UNC5C: variants seen among roughly 807,000 people sequenced by gnomAD.
UNC5C encodes unc-5 netrin receptor C.
In UNC5C, 47 loss-of-function variants were observed where a neutral mutation model predicts 99.8. The observed-to-expected ratio is 0.47, with a 90% CI of 0.37 to 0.60. UNC5C has a LOEUF of 0.60. Ranked by LOEUF, UNC5C falls within the 20% of genes least tolerant of loss-of-function variation. The pLI, the probability that UNC5C is intolerant of heterozygous loss-of-function variation, is 0.00. For synonymous variants in UNC5C, 487 were observed against 452.2 expected (o/e 1.08, Z -0.98); for missense variants, 1,062 against 1,165.9 (o/e 0.91, Z 1.30).
intron 5 of UNC5C, 43 bp from the exon 6 acceptor site, chr4:95,245,187 C>T: frequency 6.4e-7 from 1 of 1,570,820 alleles, no homozygotes; most frequent in Admixed American, 1.9e-5. Flanking sequence ...AACATGTGTG[C>T]ATGCACAACA....
intron 14 of UNC5C, among the ~76,000 whole-genome samples, chr4:95,180,325 G>GA (rs1448448937): frequency 2.0e-5 from 3 of 152,140 alleles, no homozygotes; most frequent in South Asian, 2.1e-4. Context: ...TAGAAGATGT[G>GA]AAAAAACTGT....
At chr4:95,193,090 C>T (rs1271987630) in intron 12 of UNC5C, among the ~76,000 whole-genome samples, 1 of 152,226 alleles carries the variant, frequency 6.6e-6, no homozygotes, top group African/African-American at 2.4e-5. Context: ...TTTCACTCTG[C>T]TAGCTTCTTT....
rs550139396 is a variant in UNC5C at position 95,285,701 on chromosome 4, T to C, written c.491-7339A>G. ...AGGGTTACAACATCTATTCAGTGGA[T>C]TAAAACCCAGCATTAAAAAGTGTGA... is the stretch of plus-strand genomic sequence containing the variant. On this transcript the variant is annotated intron_variant, in intron 3 of 15. Transcript: ENST00000453304. Among the ~76,000 whole-genome samples the C allele has an allele frequency of 2.5e-3, 387 of 152,288 alleles. 2 individuals are homozygous for C. Among genetic ancestry groups the C allele is most frequent in the Non-Finnish European group, 4.0e-3 (274 of 68,024 alleles).
chr4:95,535,168 TA>T (rs1428064496), intron 1 of UNC5C, among the ~76,000 whole-genome samples: 7 of 152,112 alleles, frequency 4.6e-5, no homozygotes, highest in Admixed American at 1.3e-4. Context: ...TGCTTATTCA[TA>T]AAACTGGAAC....
chr4:95,488,475 C>G (rs1721387609), intron 1 of UNC5C, among the ~76,000 whole-genome samples: 1 of 151,756 alleles, frequency 6.6e-6, no homozygotes, highest in Non-Finnish European at 1.5e-5. Context: ...AGCAGTACTT[C>G]CATAGCTTCT....
At chr4:95,275,238 C>T (rs1310126399) in intron 4 of UNC5C, among the ~76,000 whole-genome samples, 1 of 152,148 alleles carries the variant, frequency 6.6e-6, no homozygotes, top group Non-Finnish European at 1.5e-5. Flanking sequence ...GTGACAGAAG[C>T]TTCCCCTCTG....
At chr4:95,334,009 C>A (rs1743229467) in intron 2 of UNC5C, among the ~76,000 whole-genome samples, 1 of 151,934 alleles carries the variant, frequency 6.6e-6, no homozygotes, top group East Asian at 1.9e-4. Flanking sequence ...TAATTGGATA[C>A]CCAGTTATAT....
At chr4:95,334,766 C>T (rs867938297) in intron 2 of UNC5C, among the ~76,000 whole-genome samples, 5 of 151,988 alleles carry the variant, frequency 3.3e-5, no homozygotes, top group Middle Eastern at 3.4e-3. Context: ...GGAGTTTTAA[C>T]CAAGCCAGGG....
At position 95,301,700 on chromosome 4, in the gene UNC5C, T is replaced by C; in HGVS notation, c.396A>G (p.Glu132=). The part of the protein sequence containing the change: ...VSIEISRQQV[E]ELFGPEDYWC... ...AGTAATCTTCAGGTCCAAAGAGTTC[T>C]TCCACTTGCTGGCGCGAAATCTCAA... The change falls in exon 3 of 16, where the codon GAA becomes GAG. Residue 132 remains glutamate (E), a synonymous_variant. Transcript: ENST00000453304. 6.2e-7 allele frequency: 1 copy of C among 1,613,416 alleles called. No homozygotes were observed. Among genetic ancestry groups the C allele is most frequent in the Non-Finnish European group, 8.5e-7 (1 of 1,180,030 alleles).
chr4:95,527,287 A>G (rs978809853), intron 1 of UNC5C, among the ~76,000 whole-genome samples: 1 of 152,046 alleles, frequency 6.6e-6, no homozygotes, highest in African/African-American at 2.4e-5. Context: ...ACTTTGAAAC[A>G]TTTTTTCCTG....
At chr4:95,224,900 A>G (rs886784507) in intron 7 of UNC5C, among the ~76,000 whole-genome samples, 2 of 152,156 alleles carry the variant, frequency 1.3e-5, no homozygotes, top group South Asian at 4.2e-4. Flanking sequence ...CTTGAAAAAA[A>G]GAAAGAATCT....
At chr4:95,356,213 C>CAA (rs869165569) in intron 1 of UNC5C, among the ~76,000 whole-genome samples, 28 of 78,152 alleles carry the variant, frequency 3.6e-4, no homozygotes, top group Non-Finnish European at 6.3e-4. Flanking sequence ...AAAAAAAAAA[C>CAA]AAAACAAAAA....
intron 1 of UNC5C, among the ~76,000 whole-genome samples, chr4:95,545,760 ACG>A (rs1227773272): frequency 2.8e-3 from 404 of 143,542 alleles, no homozygotes; most frequent in African/African-American, 9.9e-3. Context: ...TCTCACACAC[ACG>A]CGCGCGCGCG....
At position 95,292,208 on chromosome 4, in the gene UNC5C, CATATATAT is replaced by C. The variant is rs376368681; in HGVS notation, c.490+9390_490+9397del. Among the ~76,000 whole-genome samples the C allele has an allele frequency of 2.4e-5, 3 of 123,996 alleles. No homozygotes were observed. In the Admixed American group the frequency reaches 2.5e-4, roughly 10 times the overall value. 81.3% of individuals were successfully genotyped at this position (123,996 alleles called of 152,430 possible). A position where few individuals can be genotyped will look rare whatever the true frequency, so the allele number is the denominator to read the frequency against. On this transcript the variant is annotated intron_variant, in intron 3 of 15. Coordinates refer to ENST00000453304, the MANE Select transcript of UNC5C (RefSeq NM_003728.4). ...ACATATATATATACACATATATATA[CATATATAT>C]ACACACACACACACACACACATATA...
chr4:95,451,076 C>A (rs1747267405), intron 1 of UNC5C, among the ~76,000 whole-genome samples: 1 of 152,160 alleles, frequency 6.6e-6, no homozygotes, highest in Non-Finnish European at 1.5e-5. Context: ...TATGAAAAAT[C>A]TATGACTTAC....
chr4:95,423,673 T>C (rs1224343195), intron 1 of UNC5C, among the ~76,000 whole-genome samples: 2 of 152,222 alleles, frequency 1.3e-5, no homozygotes, highest in Non-Finnish European at 2.9e-5. Flanking sequence ...AGAAGAAATG[T>C]CTTTTAAAAT....
chr4:95,483,029 AT>A (rs1721212443), intron 1 of UNC5C, among the ~76,000 whole-genome samples: 1 of 139,920 alleles, frequency 7.1e-6, no homozygotes, highest in Non-Finnish European at 1.6e-5. Flanking sequence ...AATAATAATA[AT>A]AATAATAATA....
At chr4:95,531,039 C>G (rs17024140) in intron 1 of UNC5C, among the ~76,000 whole-genome samples, 1 of 152,032 alleles carries the variant, frequency 6.6e-6, no homozygotes, top group African/African-American at 2.4e-5. Flanking sequence ...GTTAAATCAT[C>G]CCTTTTCTGA....
chr4:95,306,481 C>T (rs1326233746), intron 2 of UNC5C, among the ~76,000 whole-genome samples: 2 of 152,112 alleles, frequency 1.3e-5, no homozygotes, highest in Admixed American at 1.3e-4. Flanking sequence ...GGATTACAGG[C>T]ATGAGCCACC....
Sources: gnomAD v4.1 joint callset for allele counts (sites outside exome capture counted in the v4.1 genomes callset) on GRCh38, gnomAD v4.1.1 for gene constraint, MANE v1.5 for transcripts, NCBI Gene and HGNC (gene_info 2026-07-23, HGNC 2026-07-21) for gene names.